CCDC85A: variants seen among roughly 807,000 people sequenced by gnomAD.
CCDC85A encodes the protein coiled-coil domain containing 85A.
CCDC85A carries 38 observed loss-of-function variants against 50.2 expected under a neutral mutation model. That is an observed-to-expected ratio of 0.76 (90% confidence interval 0.58 to 0.99). The LOEUF is 0.99. CCDC85A is among the 50% of genes least tolerant of loss of function. The pLI is 0.00. For synonymous variants in CCDC85A, 366 were observed against 301.4 expected, an observed-to-expected ratio of 1.21 and a Z score of -2.22; for missense variants, 820 against 742.0, an observed-to-expected ratio of 1.11 and a Z score of -1.22.
chr2:56,342,825 G>A, intron 2 of CCDC85A, 54 bp from the exon 3 acceptor site: 3 of 1,175,704 alleles, frequency 2.6e-6, no homozygotes, highest in South Asian at 2.7e-5. Flanking sequence ...TATCCTGACA[G>A]TACACCAAAC....
chr2:56,317,084 C>G (rs1195851158), intron 2 of CCDC85A, among the ~76,000 whole-genome samples: 1 of 151,884 alleles, frequency 6.6e-6, no homozygotes, highest in Non-Finnish European at 1.5e-5. Context: ...AAGAGATGTA[C>G]CTGTAAATGG....
At chr2:56,263,023 G>T (rs548851558) in intron 2 of CCDC85A, among the ~76,000 whole-genome samples, 1 of 152,050 alleles carries the variant, frequency 6.6e-6, no homozygotes, top group South Asian at 2.1e-4. Context: ...AGACTAGTGG[G>T]GACTAAATGA....
chr2:56,209,694 G>T (rs768737531), intron 2 of CCDC85A, among the ~76,000 whole-genome samples: 1 of 152,058 alleles, frequency 6.6e-6, no homozygotes, highest in African/African-American at 2.4e-5. Context: ...TTGCGATTTT[G>T]ACTTTGTGGA....
chr2:56,324,125 C>A (rs1449048335), intron 2 of CCDC85A, among the ~76,000 whole-genome samples: 8 of 152,086 alleles, frequency 5.3e-5, no homozygotes, highest in African/African-American at 1.4e-4. Flanking sequence ...TCATCTTGTC[C>A]TATTCCTGTG....
At chr2:56,379,816 A>T (rs974185653) in intron 5 of CCDC85A, 3 of 984,156 alleles carry the variant, frequency 3.0e-6, no homozygotes, top group Non-Finnish European at 3.6e-6. Context: ...CCTTAGTGAG[A>T]CAGAAAAAGC....
At chr2:56,194,907 G>A (rs180692087) in intron 2 of CCDC85A, among the ~76,000 whole-genome samples, 3 of 137,204 alleles carry the variant, frequency 2.2e-5, no homozygotes, top group Non-Finnish European at 4.5e-5. Context: ...GCCCAATTCT[G>A]TACAAGAGAT....
chr2:56,298,554 A>G (rs961717067), intron 2 of CCDC85A, among the ~76,000 whole-genome samples: 1 of 152,160 alleles, frequency 6.6e-6, no homozygotes, highest in African/African-American at 2.4e-5. Flanking sequence ...TTTCTGTTGT[A>G]TATGGTATCA....
At chr2:56,345,720 G>T (rs1266060251) in intron 3 of CCDC85A, among the ~76,000 whole-genome samples, 1 of 152,158 alleles carries the variant, frequency 6.6e-6, no homozygotes, top group Non-Finnish European at 1.5e-5. Flanking sequence ...ACTTCAGCTG[G>T]ATTACACAAA....
At chr2:56,312,371 T>G (rs1672736100) in intron 2 of CCDC85A, among the ~76,000 whole-genome samples, 1 of 152,106 alleles carries the variant, frequency 6.6e-6, no homozygotes, top group African/African-American at 2.4e-5. Context: ...TAATTAAATG[T>G]TTAATGTTTA....
intron 2 of CCDC85A, among the ~76,000 whole-genome samples, chr2:56,203,299 C>T (rs1034236716): frequency 1.3e-5 from 2 of 151,902 alleles, no homozygotes; most frequent in African/African-American, 4.8e-5. Context: ...AGTATAGTGA[C>T]TTTCATGAGA....
At chr2:56,309,873 A>G (rs1000998541) in intron 2 of CCDC85A, among the ~76,000 whole-genome samples, 4 of 152,130 alleles carry the variant, frequency 2.6e-5, no homozygotes, top group Non-Finnish European at 5.9e-5. Flanking sequence ...AGCTTCATGT[A>G]CAGACTTTTT....
intron 3 of CCDC85A, among the ~76,000 whole-genome samples, chr2:56,343,298 G>A (rs1460558771): frequency 2.0e-5 from 3 of 152,180 alleles, no homozygotes; most frequent in Admixed American, 6.5e-5. Context: ...TATAGGGAAG[G>A]TAATCTTATT....
At chr2:56,269,568 A>C (rs1016575736) in intron 2 of CCDC85A, among the ~76,000 whole-genome samples, 3 of 152,138 alleles carry the variant, frequency 2.0e-5, no homozygotes, top group Non-Finnish European at 4.4e-5. Flanking sequence ...GCTAACACGT[A>C]TTGAGGATTC....
chr2:56,322,995 G>A (rs931335146), intron 2 of CCDC85A, among the ~76,000 whole-genome samples: 8 of 152,062 alleles, frequency 5.3e-5, no homozygotes, highest in Admixed American at 1.3e-4. Flanking sequence ...TCCTTTATAC[G>A]GATATGGATG....
intron 2 of CCDC85A, among the ~76,000 whole-genome samples, chr2:56,223,406 C>T (rs190616109): frequency 6.6e-6 from 1 of 152,270 alleles, no homozygotes; most frequent in African/African-American, 2.4e-5. Flanking sequence ...ACTTCATTTA[C>T]AAACACAGCC....
At chr2:56,231,611 T>A (rs1246273452) in intron 2 of CCDC85A, among the ~76,000 whole-genome samples, 1 of 152,206 alleles carries the variant, frequency 6.6e-6, no homozygotes, top group Non-Finnish European at 1.5e-5. Context: ...GCAGTATTTT[T>A]TTTTTTAACT....
At chr2:56,309,494 T>C (rs1672594066) in intron 2 of CCDC85A, among the ~76,000 whole-genome samples, 1 of 152,142 alleles carries the variant, frequency 6.6e-6, no homozygotes, top group Non-Finnish European at 1.5e-5. Flanking sequence ...GCTCAGAAAA[T>C]AATGGTGATC....
At chr2:56,313,430 A>G (rs981575260) in intron 2 of CCDC85A, among the ~76,000 whole-genome samples, 1 of 152,078 alleles carries the variant, frequency 6.6e-6, no homozygotes, top group African/African-American at 2.4e-5. Context: ...GAGAACTGAT[A>G]CCTTGATTTG....
intron 3 of CCDC85A, among the ~76,000 whole-genome samples, chr2:56,366,425 C>G (rs1292675348): frequency 1.3e-5 from 2 of 152,068 alleles, no homozygotes; most frequent in African/African-American, 2.4e-5. Context: ...CATCTTTTGT[C>G]TTTTTGATAA....
Sources: gnomAD v4.1 joint callset for allele counts (sites outside exome capture counted in the v4.1 genomes callset) on GRCh38, gnomAD v4.1.1 for gene constraint, MANE v1.5 for transcripts, NCBI Gene and HGNC (gene_info 2026-07-23, HGNC 2026-07-21) for gene names.